The following BLOC1S2 variants were observed in gnomAD, a reference collection of about 807,000 sequenced individuals.
The protein encoded by BLOC1S2 is biogenesis of lysosome-related organelles complex 1 subunit 2.
BLOC1S2 carries 12 observed loss-of-function variants against 19.6 expected under a neutral mutation model. That is an observed-to-expected ratio of 0.61 (90% CI 0.39 to 0.99). BLOC1S2 has a LOEUF of 0.99. BLOC1S2 is among the 50% of genes least tolerant of loss of function. The pLI is 0.00. For synonymous variants in BLOC1S2, 66 were observed against 64.1 expected, an observed-to-expected ratio of 1.03 and a Z score of -0.14; for missense variants, 142 against 171.0, an observed-to-expected ratio of 0.83 and a Z score of 0.95.
intron 1 of BLOC1S2, 135 bp downstream of exon 1, chr10:100,286,470 T>G: frequency 1.3e-6 from 2 of 1,488,124 alleles, no homozygotes; most frequent in Non-Finnish European, 1.8e-6. Flanking sequence ...GGACAAACAC[T>G]CGCGCGCAGC....
chr10:100,285,534 T>C (rs975732300), intron 2 of BLOC1S2, among the ~76,000 whole-genome samples: 1 of 152,234 alleles, frequency 6.6e-6, no homozygotes, highest in African/African-American at 2.4e-5. Context: ...ATTAAAGGCA[T>C]GAGCCACCGC....
At position 100,276,334 on chromosome 10, in the gene BLOC1S2, CCG is replaced by C. The variant is rs1382033489; in HGVS notation, c.398-843_398-842del. 1.1e-3 allele frequency among the ~76,000 whole-genome samples: 94 copies of C among 87,078 alleles called. 4 individuals are homozygous for C. Among genetic ancestry groups the C allele is most frequent in the African/African-American group, 3.5e-3 (87 of 25,210 alleles). 57.1% of individuals were successfully genotyped at this position (87,078 alleles called of 152,430 possible). On this transcript the variant is annotated intron_variant, in intron 4 of 4. Coordinates refer to ENST00000370372, the MANE Select transcript of BLOC1S2 (RefSeq NM_173809.5). ...CCTCTCCCGTCTCCCTCTCTCTCTCCCGTCTCCCTCTCCCGTCTCCCTCTCCC... is the reference window on the plus strand; with the variant it reads ...CCTCTCCCGTCTCCCTCTCTCTCTCCTCTCCCTCTCCCGTCTCCCTCTCCC...
rs1195107807 is a variant in BLOC1S2, at chr10:100,286,635, G to A, written c.25C>T (p.Leu9=). 1.9e-6 allele frequency: 3 copies of A among 1,611,384 alleles called. No homozygotes were observed. Among genetic ancestry groups the A allele is most frequent in the Non-Finnish European group, 2.5e-6 (3 of 1,178,802 alleles). Residue 9 remains leucine (L), a synonymous_variant, in exon 1 of 5, where the codon CTG becomes TTG. Transcript: ENST00000370372. MAAAAEGV[L]ATRSDEPARD... is the part of the protein sequence containing the mutation. ...GCGGGCTCATCACTCCGGGTCGCCA[G>A]TACGCCCTCGGCTGCCGCCGCCATA...
In BLOC1S2 at chr10:100,286,175, G is replaced by A. The variant is rs1848230939; in HGVS notation, c.94C>T (p.Pro32Ser). 3.1e-6 allele frequency: 5 copies of A among 1,614,064 alleles called. No individual in the cohort carries two copies. The highest frequency in any genetic ancestry group is 3.4e-6 in the Non-Finnish European group (4 of 1,179,984). ...AGCTCAGTGATGTCAGCTTCAGCAGGCTCCTTTGCTTCCTCAGCTGTCTCC... is the reference window on the plus strand; with the variant it reads ...AGCTCAGTGATGTCAGCTTCAGCAGACTCCTTTGCTTCCTCAGCTGTCTCC... ...AVETAEEAKE[P>S]AEADITELCR... Residue 32 changes from proline to serine, a missense_variant, in exon 2 of 5, where the codon CCT (proline) becomes TCT (serine). Physicochemically the swap from Pro to Ser is moderately conservative, Grantham distance 74. Around this residue, in one of 2 missense-constraint regions of BLOC1S2, gnomAD observed 94 missense variants for 141.3 expected, o/e 0.67. Coordinates refer to ENST00000370372, the MANE Select transcript of BLOC1S2 (RefSeq NM_173809.5).
In BLOC1S2 at chr10:100,280,126, A is replaced by G. The variant is rs990130964; in HGVS notation, c.395T>C (p.Leu132Pro). The G allele has an allele frequency of 3.7e-6, 6 of 1,612,044 alleles. No individual in the cohort carries two copies. Among genetic ancestry groups the G allele is most frequent in the Non-Finnish European group, 4.2e-6 (5 of 1,178,814 alleles). The change falls in exon 4 of 5, where the codon CTG becomes CCG. Residue 132 changes from leucine (L) to proline (P), a missense_variant and splice_region_variant. Leu to Pro is a moderately conservative substitution (Grantham distance 98, BLOSUM62 -3). Coordinates refer to ENST00000370372, the MANE Select transcript of BLOC1S2 (RefSeq NM_173809.5). ...AYKLDAYSKK[L>P]EAKYKKLEKR Reference sequence around the variant, plus strand: ...AAAACAGAAGTAAAAACGGTTACCCAGTTTTTTTGAATATGCATCCAACTT... The same window carrying G: ...AAAACAGAAGTAAAAACGGTTACCCGGTTTTTTTGAATATGCATCCAACTT...
chr10:100,281,283 G>C (rs1589650894), intron 2 of BLOC1S2, among the ~76,000 whole-genome samples: 1 of 152,170 alleles, frequency 6.6e-6, no homozygotes, highest in East Asian at 1.9e-4. Context: ...AGAAGGTTCA[G>C]GATCATGGTT....
Position 100,279,356 on chromosome 10 carries a change from G to A in BLOC1S2, c.397+768C>T, listed in dbSNP as rs146086697. The stretch of plus-strand genomic sequence containing the variant: ...GCAAACAGACCTGCTTAGAAATATG[G>A]CTCTTCCCTGTACTGGCTTAGTGTC... On this transcript the variant is annotated intron_variant, in intron 4 of 4. Coordinates refer to ENST00000370372, the MANE Select transcript of BLOC1S2 (RefSeq NM_173809.5). Among the ~76,000 whole-genome samples, 291 of 152,282 alleles carry A rather than the reference G, an allele frequency of 1.9e-3. 1 individual carries two copies. Among genetic ancestry groups the A allele is most frequent in the African/African-American group, 6.7e-3 (280 of 41,548 alleles).
chr10:100,286,425 C>T, intron 1 of BLOC1S2, 180 bp downstream of exon 1: 1 of 1,466,108 alleles, frequency 6.8e-7, no homozygotes, highest in Non-Finnish European at 9.1e-7. Context: ...CCCGGCACCC[C>T]CGCTCATCCT....
chr10:100,276,850 T>G (rs952690559), intron 4 of BLOC1S2, among the ~76,000 whole-genome samples: 1 of 152,036 alleles, frequency 6.6e-6, no homozygotes, highest in Non-Finnish European at 1.5e-5. Context: ...CTCGGCTCGC[T>G]ATGGCCTCCA....
chr10:100,276,836 T>G (rs980787813), intron 4 of BLOC1S2, among the ~76,000 whole-genome samples: 5 of 151,962 alleles, frequency 3.3e-5, no homozygotes, highest in Non-Finnish European at 7.4e-5. Context: ...TGCAGTGGCG[T>G]GATCTCGGCT....
intron 2 of BLOC1S2, chr10:100,282,786 T>C (rs1324523042): frequency 2.5e-6 from 1 of 396,526 alleles, no homozygotes; most frequent in Non-Finnish European, 4.4e-6. Context: ...AAAATAACAA[T>C]TTGCTTAAAA....
chr10:100,277,096 A>G (rs1448503044), intron 4 of BLOC1S2, among the ~76,000 whole-genome samples: 1 of 150,752 alleles, frequency 6.6e-6, no homozygotes, highest in African/African-American at 2.5e-5. Context: ...CTAGGAAGTG[A>G]GGAGCGTCTC....
chr10:100,275,304 C>G lies in BLOC1S2; in HGVS notation c.*158G>C, dbSNP rs1006142552. ...CTCAAAGAAGGTTCAGGAATAGCCA[C>G]AGTCCTCCAGTTTACTCGAACGTTG... On this transcript the variant is annotated 3_prime_UTR_variant, in exon 5 of 5. Coordinates refer to ENST00000370372, the MANE Select transcript of BLOC1S2 (RefSeq NM_173809.5). The G allele has an allele frequency of 6.0e-6, 4 of 664,840 alleles. No homozygotes were observed. The African/African-American group carries it at 7.2e-5, about 12-fold the overall frequency. The allele number at this position is 664,840 out of a possible 1,614,324, so 41.2% of individuals were successfully genotyped here. A position where few individuals can be genotyped will look rare whatever the true frequency, so the allele number is the denominator to read the frequency against.
intron 2 of BLOC1S2, 63 bp downstream of exon 2, chr10:100,286,034 G>A: frequency 6.3e-7 from 1 of 1,588,890 alleles, no homozygotes; most frequent in Non-Finnish European, 8.6e-7. Context: ...GACTGATGCT[G>A]CTAACCATCT....
rs1376843356 is a variant in BLOC1S2, at chr10:100,275,117, A to T, written c.*345T>A. ...AAAAAACCAGCCACTTAAGAAAATAATGTAGTAATCAACCACTACCAGAGA... is the reference window on the plus strand; with the variant it reads ...AAAAAACCAGCCACTTAAGAAAATATTGTAGTAATCAACCACTACCAGAGA... On this transcript the variant is annotated 3_prime_UTR_variant, in exon 5 of 5. Transcript: ENST00000370372. The T allele has an allele frequency of 5.0e-6, 2 of 402,136 alleles. No homozygotes were observed. Among genetic ancestry groups the T allele is most frequent in the East Asian group, 7.1e-5 (2 of 28,284 alleles). The allele number at this position is 402,136 out of a possible 1,614,324, so 24.9% of individuals were successfully genotyped here.
At chr10:100,285,623 A>G (rs1196398204) in intron 2 of BLOC1S2, among the ~76,000 whole-genome samples, 1 of 152,218 alleles carries the variant, frequency 6.6e-6, no homozygotes, top group African/African-American at 2.4e-5. Flanking sequence ...AACACTAGTC[A>G]TGTCCCAAAG....
chr10:100,279,077 A>T (rs1194067942), intron 4 of BLOC1S2, among the ~76,000 whole-genome samples: 2 of 151,212 alleles, frequency 1.3e-5, no homozygotes. Flanking sequence ...ACACAGCAAG[A>T]CCTCATCTCT....
In BLOC1S2 at chr10:100,274,024, G is replaced by A. The variant is rs1417097728; in HGVS notation, c.*1438C>T. On this transcript the variant is annotated 3_prime_UTR_variant, in exon 5 of 5. Coordinates refer to ENST00000370372, the MANE Select transcript of BLOC1S2 (RefSeq NM_173809.5). ...TCATGCCTACAATCTCAGCACTCTG[G>A]CAGGCTGTGGTAAGAGAATCACTTG... 1 of 152,012 alleles carries A rather than the reference G, an allele frequency of 6.6e-6. No homozygotes were observed. 9.4% of individuals were successfully genotyped at this position (152,012 alleles called of 1,614,324 possible). A position where few individuals can be genotyped will look rare whatever the true frequency, so the allele number is the denominator to read the frequency against.
In BLOC1S2 at chr10:100,280,962, A is replaced by C; in HGVS notation, c.264T>G (p.Ser88Arg). The C allele has an allele frequency of 6.2e-7, 1 of 1,612,712 alleles. No individual in the cohort carries two copies. Among genetic ancestry groups the C allele is most frequent in the South Asian group, 1.1e-5 (1 of 90,838 alleles). ...LEMKDIAINISRNLKDLNQKY... is the reference protein window; with the variant it reads ...LEMKDIAINIRRNLKDLNQKY... ...TCTGGTTTAAGTCCTTTAAGTTCCT[A>C]CTAATGTTTATAGCAATATCTTTCA... is the stretch of plus-strand genomic sequence containing the variant. Residue 88 changes from serine to arginine, a missense_variant, in exon 3 of 5, where the codon AGT becomes AGG. Physicochemically the swap from Ser to Arg is moderately radical, Grantham distance 110. Coordinates refer to ENST00000370372, the MANE Select transcript of BLOC1S2 (RefSeq NM_173809.5).
Sources: gnomAD v4.1 joint callset for allele counts (sites outside exome capture counted in the v4.1 genomes callset) on GRCh38, gnomAD v4.1.1 for gene constraint, gnomAD v4.1.1 regional missense constraint, MANE v1.5 for transcripts, NCBI Gene and HGNC (gene_info 2026-07-23, HGNC 2026-07-21) for gene names.